Variants in NFAT5 observed in about 807,000 individuals in gnomAD.
The protein encoded by NFAT5 is nuclear factor of activated T cells 5, also known as nuclear factor of activated T-cells 5.
Under a neutral mutation model 166.5 loss-of-function variants are expected in NFAT5, and 31 were observed. The ratio of observed to expected loss-of-function variants is 0.19; its 90% CI spans 0.14 to 0.25. The LOEUF (loss-of-function observed/expected upper bound fraction) is 0.25. Ranked by LOEUF, NFAT5 falls within the 10% of genes least tolerant of loss-of-function variation. The pLI, the probability that NFAT5 is intolerant of heterozygous loss-of-function variation, is 1.00. For synonymous variants in NFAT5, 612 were observed against 639.7 expected (o/e 0.96, Z 0.65); for missense variants, 1,449 against 1,821.8 (o/e 0.80, Z 3.72).
At chr16:69,605,895 A>G (rs1417625940) in intron 2 of NFAT5, among the ~76,000 whole-genome samples, 5 of 152,030 alleles carry the variant, frequency 3.3e-5, no homozygotes, top group Non-Finnish European at 5.9e-5. Flanking sequence ...TTGTATTTTT[A>G]GTAGAGACGG....
chr16:69,679,587 C>G (rs1295931153), intron 10 of NFAT5, among the ~76,000 whole-genome samples: 1 of 151,868 alleles, frequency 6.6e-6, no homozygotes, highest in Non-Finnish European at 1.5e-5. Context: ...TATACTCTAG[C>G]CTGGGAAACA....
intron 9 of NFAT5, among the ~76,000 whole-genome samples, chr16:69,670,648 A>T (rs1296403710): frequency 6.6e-6 from 1 of 152,224 alleles, no homozygotes; most frequent in Admixed American, 6.5e-5. Flanking sequence ...CAGGTACTTT[A>T]TATTTGTTAA....
intron 3 of NFAT5, among the ~76,000 whole-genome samples, chr16:69,641,409 T>C (rs1472806019): frequency 2.0e-5 from 3 of 152,124 alleles, no homozygotes; most frequent in Non-Finnish European, 4.4e-5. Flanking sequence ...CAAAATTTTA[T>C]GGCTTTTTTT....
intron 4 of NFAT5, chr16:69,648,690 T>C: frequency 1.0e-6 from 1 of 967,704 alleles, no homozygotes; most frequent in Non-Finnish European, 1.2e-6. Flanking sequence ...AATTAGATTT[T>C]TGTATAGTAC....
At chr16:69,666,892 A>G (rs1323229247) in intron 7 of NFAT5, among the ~76,000 whole-genome samples, 1 of 152,078 alleles carries the variant, frequency 6.6e-6, no homozygotes, top group Non-Finnish European at 1.5e-5. Context: ...TTGCAGCACT[A>G]TTCACAATAG....
At chr16:69,594,106 A>T (rs1235969076) in intron 2 of NFAT5, among the ~76,000 whole-genome samples, 1 of 152,226 alleles carries the variant, frequency 6.6e-6, no homozygotes, top group Admixed American at 6.5e-5. Context: ...CAAACACTAT[A>T]TATACAGTCG....
intron 6 of NFAT5, among the ~76,000 whole-genome samples, chr16:69,658,444 T>A (rs1234210476): frequency 1.3e-5 from 2 of 150,606 alleles, no homozygotes; most frequent in Non-Finnish European, 3.0e-5. Context: ...GATTGCAACA[T>A]TGTGCTCCAG....
chr16:69,572,419 C>T (rs1373944531), intron 2 of NFAT5, among the ~76,000 whole-genome samples: 1 of 151,532 alleles, frequency 6.6e-6, no homozygotes, highest in Non-Finnish European at 1.5e-5. Flanking sequence ...TTTGTATTTT[C>T]CATCTTTAAA....
At position 69,691,978 on chromosome 16, in the gene NFAT5, A is replaced by G. The variant is rs1263564840; in HGVS notation, c.2153A>G (p.Asn718Ser). Reference protein sequence around the residue: ...PAVSASSQLPNSDALLQQATQ... With the variant: ...PAVSASSQLPSSDALLQQATQ... ...GTTTCTGCTTCTAGTCAGCTGCCCA[A>G]CAGCGATGCACTATTGCAGCAGGCT... is the stretch of plus-strand genomic sequence containing the variant. The change falls in exon 13 of 15, where the codon AAC becomes AGC. Residue 718 changes from asparagine (N) to serine (S), a missense_variant. This residue lies in a region of NFAT5 where 891 missense variants were observed against 993.0 expected (regional missense o/e 0.90). Transcript: ENST00000349945. The G allele has an allele frequency of 6.2e-7, 1 of 1,614,174 alleles. No individual in the cohort carries two copies. The highest frequency in any genetic ancestry group is 2.2e-5 in the East Asian group (1 of 44,880).
intron 6 of NFAT5, among the ~76,000 whole-genome samples, chr16:69,659,311 G>A (rs951992439): frequency 6.6e-6 from 1 of 151,454 alleles, no homozygotes; most frequent in Non-Finnish European, 1.5e-5. Flanking sequence ...GCATGGTGGC[G>A]GCCACCTGTA....
intron 2 of NFAT5, among the ~76,000 whole-genome samples, chr16:69,583,837 A>G (rs2031859353): frequency 6.6e-6 from 1 of 152,194 alleles, no homozygotes; most frequent in Non-Finnish European, 1.5e-5. Context: ...AAGTTTGAGG[A>G]TTGTGCTCTA....
At chr16:69,640,397 A>G (rs1199733976) in intron 3 of NFAT5, among the ~76,000 whole-genome samples, 1 of 152,206 alleles carries the variant, frequency 6.6e-6, no homozygotes, top group African/African-American at 2.4e-5. Context: ...CTTTGCATTA[A>G]TATTATAAGA....
chr16:69,585,091 G>A (rs1037203178), intron 2 of NFAT5, among the ~76,000 whole-genome samples: 13 of 151,952 alleles, frequency 8.6e-5, no homozygotes, highest in African/African-American at 2.4e-4. Context: ...TCTGCCTCCC[G>A]GGTTGAAGCG....
At chr16:69,586,644 C>CT (rs2032084925) in intron 2 of NFAT5, among the ~76,000 whole-genome samples, 1 of 152,038 alleles carries the variant, frequency 6.6e-6, no homozygotes, top group African/African-American at 2.4e-5. Context: ...CTCAGGTGAT[C>CT]TGCCCACCTC....
chr16:69,657,482 GGCAC>G (rs2035931225), intron 6 of NFAT5, among the ~76,000 whole-genome samples: 1 of 151,238 alleles, frequency 6.6e-6, no homozygotes, highest in Non-Finnish European at 1.5e-5. Context: ...AAAGGGGCTG[GGCAC>G]GCAGTGGCTC....
intron 6 of NFAT5, 87 bp downstream of exon 6, chr16:69,655,886 T>C (rs2035855668): frequency 1.0e-6 from 1 of 965,180 alleles, no homozygotes; most frequent in African/African-American, 1.7e-5. Flanking sequence ...GAAGATTTTT[T>C]GCGTATTTTA....
chr16:69,662,740 G>A (rs902699345), intron 7 of NFAT5, among the ~76,000 whole-genome samples: 13 of 152,218 alleles, frequency 8.5e-5, no homozygotes, highest in East Asian at 5.8e-4. Flanking sequence ...GGTTACAGGC[G>A]TGAGCCACTG....
chr16:69,654,352 T>C (rs2035795470), intron 5 of NFAT5, among the ~76,000 whole-genome samples: 1 of 152,184 alleles, frequency 6.6e-6, no homozygotes, highest in Non-Finnish European at 1.5e-5. Flanking sequence ...AAATTATGAT[T>C]GAAACTCTGG....
intron 11 of NFAT5, among the ~76,000 whole-genome samples, chr16:69,687,349 G>C (rs2037347132): frequency 6.7e-6 from 1 of 149,446 alleles, no homozygotes; most frequent in African/African-American, 2.5e-5. Context: ...GCTGAGACAG[G>C]AGAATCGCTT....
Sources: allele counts gnomAD v4.1 joint callset (sites outside exome capture counted in the v4.1 genomes callset), GRCh38; gene constraint gnomAD v4.1.1; regional missense constraint gnomAD v4.1.1; transcripts MANE v1.5; gene names NCBI Gene and HGNC (gene_info 2026-07-23, HGNC 2026-07-21).